The following PUS10 variants were observed in gnomAD, a reference collection of about 807,000 sequenced individuals.
The protein encoded by PUS10 is tRNA pseudouridine synthase Pus10.
Under a neutral mutation model 75.0 loss-of-function variants are expected in PUS10, and 59 were observed. The observed-to-expected ratio is 0.79, with a 90% CI of 0.64 to 0.98. The LOEUF (loss-of-function observed/expected upper bound fraction) is 0.98, where lower values mean the gene tolerates loss of function less well. PUS10 is among the 50% of genes least tolerant of loss of function. The pLI is 0.00. For missense variants in PUS10, 650 were observed against 614.4 expected, an observed-to-expected ratio of 1.06 and a Z score of -0.61; for synonymous variants, 219 against 211.6, an observed-to-expected ratio of 1.03 and a Z score of -0.30.
At chr2:60,970,603 T>C (rs1277043252) in intron 5 of PUS10, among the ~76,000 whole-genome samples, 1 of 152,220 alleles carries the variant, frequency 6.6e-6, no homozygotes, top group African/African-American at 2.4e-5. Context: ...ATATGTTTTG[T>C]TGCAGAAATA....
chr2:60,967,541 GGGGT>G lies in PUS10; in HGVS notation c.572_575del (p.His191ProfsTer19). ...GAACACCCAGTTCCTCTGAAAACAG[GGGGT>G]GAGTTATCCATTTGTAGGCTTCTTT... On this transcript the variant is annotated frameshift_variant, in exon 6 of 18. Transcript: ENST00000316752. LOFTEE classifies it high-confidence loss of function. 6.2e-7 allele frequency: 1 copy of G among 1,609,062 alleles called. No homozygotes were observed. Among genetic ancestry groups the G allele is most frequent in the Non-Finnish European group, 8.5e-7 (1 of 1,177,390 alleles).
chr2:60,988,631 C>T (rs561322928), intron 4 of PUS10, among the ~76,000 whole-genome samples: 4 of 151,686 alleles, frequency 2.6e-5, no homozygotes, highest in African/African-American at 7.2e-5. Context: ...TTTGAGGATG[C>T]GGTTTTTGTT....
intron 4 of PUS10, among the ~76,000 whole-genome samples, chr2:60,974,353 C>A (rs1387435426): frequency 6.6e-6 from 1 of 151,264 alleles, no homozygotes; most frequent in East Asian, 1.9e-4. Flanking sequence ...GTAGCTGGGA[C>A]TACAGGCGCG....
chr2:60,953,167 AC>A (rs1675450682), intron 14 of PUS10, 53 bp from the exon 15 acceptor site: 3 of 990,404 alleles, frequency 3.0e-6, no homozygotes, highest in Non-Finnish European at 4.7e-6. Context: ...ATACAAAAAA[AC>A]CTTGCCCTGA....
chr2:60,950,962 A>G (rs186340463), intron 15 of PUS10, among the ~76,000 whole-genome samples: 1 of 152,300 alleles, frequency 6.6e-6, no homozygotes, highest in Admixed American at 6.5e-5. Flanking sequence ...ATTTCTACTG[A>G]GAACTCTCCT....
Position 60,989,782 on chromosome 2 carries a change from C to T in PUS10, c.468+16775G>A, listed in dbSNP as rs574941853. Among the ~76,000 whole-genome samples the T allele has an allele frequency of 2.6e-5, 4 of 152,166 alleles. No homozygotes were observed. In the South Asian group the frequency reaches 6.2e-4, roughly 24 times the overall value. On this transcript the variant is annotated intron_variant, in intron 4 of 17. Coordinates refer to ENST00000316752, the MANE Select transcript of PUS10 (RefSeq NM_144709.4). ...TACAGGCACCCACCACCATGCCCGG[C>T]TAATTTTTAAAAATATATTTTTAGT...
At chr2:60,960,594 A>G (rs919837822) in intron 10 of PUS10, 77 bp from the exon 11 acceptor site, 4 of 1,320,650 alleles carry the variant, frequency 3.0e-6, no homozygotes, top group Non-Finnish European at 3.1e-6. Context: ...AGCAACAACT[A>G]TAAGGGCCAA....
At chr2:61,016,938 G>A (rs578184038) in intron 1 of PUS10, among the ~76,000 whole-genome samples, 1 of 152,096 alleles carries the variant, frequency 6.6e-6, no homozygotes, top group African/African-American at 2.4e-5. Flanking sequence ...TTCAGCTCTG[G>A]AATCTACTGT....
At chr2:61,011,238 CTG>C (rs1205870129) in intron 2 of PUS10, among the ~76,000 whole-genome samples, 1 of 152,140 alleles carries the variant, frequency 6.6e-6, no homozygotes, top group Non-Finnish European at 1.5e-5. Flanking sequence ...TCAAAGCTCT[CTG>C]TATATTACCA....
intron 4 of PUS10, among the ~76,000 whole-genome samples, chr2:60,994,384 CAAAAAA>C (rs35312310): frequency 1.5e-5 from 2 of 136,386 alleles, no homozygotes; most frequent in Non-Finnish European, 3.1e-5. Context: ...TTCCTCAGAG[CAAAAAA>C]AAAAAAGGAA....
intron 4 of PUS10, among the ~76,000 whole-genome samples, chr2:60,986,950 G>A (rs1220031779): frequency 6.6e-6 from 1 of 152,200 alleles, no homozygotes; most frequent in African/African-American, 2.4e-5. Flanking sequence ...GTTTAAATGA[G>A]ATAGTTTATG....
intron 16 of PUS10, among the ~76,000 whole-genome samples, chr2:60,945,648 C>G (rs1278054860): frequency 1.3e-5 from 2 of 152,092 alleles, no homozygotes; most frequent in African/African-American, 4.8e-5. Flanking sequence ...TTACCAAAGA[C>G]CTACCGTCTA....
In PUS10 at chr2:60,960,372, A is replaced by G. The variant is rs778472496; in HGVS notation, c.1000+20T>C. ...AAAAAAAAAAAAAAGAAAGAAAAGT[A>G]TGAAGATCGTAACACTTACTCTCTG... On this transcript the variant is annotated intron_variant, in intron 11 of 17. Coordinates refer to ENST00000316752, the MANE Select transcript of PUS10 (RefSeq NM_144709.4). 1.4e-6 allele frequency: 2 copies of G among 1,469,152 alleles called. No individual in the cohort carries two copies. Among genetic ancestry groups the G allele is most frequent in the South Asian group, 2.8e-5 (2 of 71,698 alleles). The allele number at this position is 1,469,152 out of a possible 1,614,324, so 91.0% of individuals were successfully genotyped here.
chr2:60,943,406 A>T (rs2104066212), intron 17 of PUS10, among the ~76,000 whole-genome samples: 1 of 151,200 alleles, frequency 6.6e-6, no homozygotes, highest in African/African-American at 2.4e-5. Flanking sequence ...TAAACAGACT[A>T]TTTGTCTCCA....
At chr2:60,960,868 C>T (rs1325489608) in intron 10 of PUS10, among the ~76,000 whole-genome samples, 2 of 146,010 alleles carry the variant, frequency 1.4e-5, no homozygotes, top group South Asian at 4.3e-4. Context: ...AAAAACGCAA[C>T]CAAACTTGCT....
chr2:60,983,439 G>A (rs1040303629), intron 4 of PUS10, among the ~76,000 whole-genome samples: 3 of 152,110 alleles, frequency 2.0e-5, no homozygotes, highest in Non-Finnish European at 4.4e-5. Context: ...AGCACTTTGC[G>A]AGGCTGAGGC....
rs779407130 is a variant in PUS10, at chr2:60,971,545, AC to A, written c.480del (p.Trp160CysfsTer4). 77 of 1,613,766 alleles carry A rather than the reference AC, an allele frequency of 4.8e-5. No individual in the cohort carries two copies. Among genetic ancestry groups the A allele is most frequent in the Non-Finnish European group, 6.5e-5 (77 of 1,179,830 alleles). On this transcript the variant is annotated frameshift_variant, in exon 5 of 18. Transcript: ENST00000316752. LOFTEE classifies it high-confidence loss of function. Reference protein sequence around the residue: ...PQLSVREHAAWLLVKQEMGKQ... With the variant: ...PQLSVREHAAXLLVKQEMGKQ... ...TACCCCATTTCCTGTTTTACCAGCA[AC>A]CATGCAGCATGCTGTAGGCAATTTA... is the stretch of plus-strand genomic sequence containing the variant.
At chr2:60,999,304 A>C (rs905745255) in intron 4 of PUS10, among the ~76,000 whole-genome samples, 1 of 152,210 alleles carries the variant, frequency 6.6e-6, no homozygotes, top group Non-Finnish European at 1.5e-5. Context: ...AGAAGTTTAG[A>C]GGAATCAATC....
chr2:61,008,777 T>C lies in PUS10; in HGVS notation c.365A>G (p.Lys122Arg), dbSNP rs750945523. The change falls in exon 3 of 18, where the codon AAA (lysine) becomes AGA (arginine). Residue 122 changes from lysine (K) to arginine (R), a missense_variant. Physicochemically the swap from Lys to Arg is conservative, Grantham distance 26. Transcript: ENST00000316752. The part of the protein sequence containing the change: ...CLGILQEFCE[K>R]DFIKKVCQKV... ...GTTATTTACCTTTTTAATGAAATCT[T>C]TCTCACAGAATTCTTGAAGAATTCC... 9.5e-6 allele frequency: 15 copies of C among 1,583,206 alleles called. No individual in the cohort carries two copies. The African/African-American group carries it at 2.0e-4, about 21-fold the overall frequency.
Sources: allele counts gnomAD v4.1 joint callset (sites outside exome capture counted in the v4.1 genomes callset), GRCh38; gene constraint gnomAD v4.1.1; transcripts MANE v1.5; gene names NCBI Gene and HGNC (gene_info 2026-07-23, HGNC 2026-07-21).